Variants in CHRNA7 observed in about 807,000 individuals in gnomAD.
The protein encoded by CHRNA7 is cholinergic receptor nicotinic alpha 7 subunit.
Under a neutral mutation model 48.0 loss-of-function variants are expected in CHRNA7, and 17 were observed. That is an observed-to-expected ratio of 0.35 (90% CI 0.24 to 0.53). CHRNA7 has a LOEUF of 0.53. Among genes scored for constraint, CHRNA7 ranks in the 20% least tolerant of loss-of-function variants. The pLI, the probability that CHRNA7 is intolerant of heterozygous loss-of-function variation, is 0.92. For missense variants in CHRNA7, 155 were observed against 577.7 expected (o/e 0.27, Z 7.50); for synonymous variants, 75 against 242.3 (o/e 0.31, Z 6.41).
At chr15:32,140,959 C>T (rs905842959) in intron 4 of CHRNA7, among the ~76,000 whole-genome samples, 1 of 152,100 alleles carries the variant, frequency 6.6e-6, no homozygotes, top group African/African-American at 2.4e-5. Flanking sequence ...GCTTTTGTTG[C>T]CATTGCTTTT....
At chr15:32,054,756 T>C (rs1253018773) in intron 2 of CHRNA7, among the ~76,000 whole-genome samples, 2 of 152,236 alleles carry the variant, frequency 1.3e-5, no homozygotes, top group Non-Finnish European at 2.9e-5. Flanking sequence ...TCTTTCTTCA[T>C]TTCTATTGTA....
intron 3 of CHRNA7, among the ~76,000 whole-genome samples, chr15:32,107,098 G>C (rs1401849163): frequency 6.6e-6 from 1 of 152,108 alleles, no homozygotes; most frequent in Admixed American, 6.5e-5. Flanking sequence ...TAATGGACGG[G>C]AATAATTTTG....
chr15:32,077,477 G>T (rs1265650575), intron 2 of CHRNA7, among the ~76,000 whole-genome samples: 1 of 152,094 alleles, frequency 6.6e-6, no homozygotes, highest in Non-Finnish European at 1.5e-5. Flanking sequence ...CAGTGTTCTG[G>T]ATTGTGGCCA....
At chr15:32,108,819 C>T (rs967785516) in intron 3 of CHRNA7, among the ~76,000 whole-genome samples, 1 of 152,218 alleles carries the variant, frequency 6.6e-6, no homozygotes, top group Admixed American at 6.5e-5. Context: ...TCTGCTGCTG[C>T]ACACATTATC....
At chr15:32,063,867 G>A (rs906676476) in intron 2 of CHRNA7, among the ~76,000 whole-genome samples, 1 of 152,180 alleles carries the variant, frequency 6.6e-6, no homozygotes, top group Non-Finnish European at 1.5e-5. Context: ...TATTTCAATA[G>A]CTATCAACTA....
intron 2 of CHRNA7, among the ~76,000 whole-genome samples, chr15:32,054,085 T>C (rs967040038): frequency 4.6e-5 from 7 of 152,178 alleles, no homozygotes; most frequent in Non-Finnish European, 7.3e-5. Context: ...GGAGAACTTA[T>C]TTACTTTATT....
intron 2 of CHRNA7, among the ~76,000 whole-genome samples, chr15:32,066,803 A>G (rs1365051561): frequency 1.3e-5 from 2 of 152,240 alleles, no homozygotes; most frequent in Non-Finnish European, 2.9e-5. Flanking sequence ...AAAGGAAAGT[A>G]TAAGAATATC....
At chr15:32,080,811 A>G (rs2050203891) in intron 2 of CHRNA7, among the ~76,000 whole-genome samples, 1 of 152,248 alleles carries the variant, frequency 6.6e-6, no homozygotes, top group African/African-American at 2.4e-5. Flanking sequence ...CCAAAGGAAT[A>G]TAAATCATTC....
intron 2 of CHRNA7, among the ~76,000 whole-genome samples, chr15:32,058,936 G>C (rs146082677): frequency 8.5e-5 from 13 of 152,180 alleles, no homozygotes; most frequent in African/African-American, 2.9e-4. Flanking sequence ...CATGTGAAAT[G>C]GTGTTCTTAA....
intron 2 of CHRNA7, among the ~76,000 whole-genome samples, chr15:32,052,075 C>T (rs536079517): frequency 6.6e-6 from 1 of 152,290 alleles, no homozygotes; most frequent in Admixed American, 6.5e-5. Context: ...ATTAAATAAT[C>T]ACCACAGGCT....
chr15:32,070,318 T>C (rs750103085), intron 2 of CHRNA7, among the ~76,000 whole-genome samples: 6 of 152,172 alleles, frequency 3.9e-5, no homozygotes, highest in Non-Finnish European at 7.3e-5. Context: ...ATTATTTTGC[T>C]CACTATTTAA....
chr15:32,033,153 T>C (rs749818106), intron 2 of CHRNA7, among the ~76,000 whole-genome samples: 2 of 152,162 alleles, frequency 1.3e-5, no homozygotes, highest in Non-Finnish European at 2.9e-5. Context: ...TGTGAACACA[T>C]TGAACTTCCC....
chr15:32,092,022 C>G (rs938163988), intron 2 of CHRNA7, among the ~76,000 whole-genome samples: 2 of 152,166 alleles, frequency 1.3e-5, no homozygotes, highest in African/African-American at 4.8e-5. Context: ...ACTAGTTTCT[C>G]TGTGTTGTAG....
intron 2 of CHRNA7, among the ~76,000 whole-genome samples, chr15:32,062,395 C>G (rs1354926282): frequency 6.6e-6 from 1 of 152,140 alleles, no homozygotes; most frequent in African/African-American, 2.4e-5. Flanking sequence ...AGGCTATATT[C>G]CTTTTCCTTA....
rs371614414 is a variant in CHRNA7 at position 32,068,865 on chromosome 15, G to C, written c.196-32438G>C. Among the ~76,000 whole-genome samples the C allele has an allele frequency of 7.2e-5, 11 of 152,166 alleles. 2 individuals carry two copies. Among genetic ancestry groups the C allele is most frequent in the Admixed American group, 5.2e-4 (8 of 15,280 alleles). On this transcript the variant is annotated intron_variant, in intron 2 of 9. Coordinates refer to ENST00000306901, the MANE Select transcript of CHRNA7 (RefSeq NM_000746.6). Reference sequence around the variant, plus strand: ...GGCCCTCAAATACATGAAGCAAAAAGAGACAGAATTAAAGGGGAGTAATAG... The same window carrying C: ...GGCCCTCAAATACATGAAGCAAAAACAGACAGAATTAAAGGGGAGTAATAG...
intron 2 of CHRNA7, among the ~76,000 whole-genome samples, chr15:32,075,001 T>G (rs2050115666): frequency 6.6e-6 from 1 of 152,152 alleles, no homozygotes; most frequent in Admixed American, 6.5e-5. Flanking sequence ...TTCTTTTGCC[T>G]TTTCTATTTA....
chr15:32,126,699 T>C (rs141123131), intron 4 of CHRNA7, among the ~76,000 whole-genome samples: 159 of 152,334 alleles, frequency 1.0e-3, no homozygotes, highest in Non-Finnish European at 1.9e-3. Flanking sequence ...ATAGAGATGA[T>C]ACTTTCTAGT....
chr15:32,050,418 A>T (rs375352195), intron 2 of CHRNA7, among the ~76,000 whole-genome samples: 3 of 152,036 alleles, frequency 2.0e-5, no homozygotes, highest in African/African-American at 7.2e-5. Context: ...GCTGATACCC[A>T]TTCTTCCAGT....
chr15:32,064,894 C>T (rs1173919713), intron 2 of CHRNA7, among the ~76,000 whole-genome samples: 1 of 152,130 alleles, frequency 6.6e-6, no homozygotes, highest in Non-Finnish European at 1.5e-5. Context: ...AGGCAGTTGC[C>T]ACTTGTGCAT....
Sources: allele counts gnomAD v4.1 joint callset (sites outside exome capture counted in the v4.1 genomes callset), GRCh38; gene constraint gnomAD v4.1.1; transcripts MANE v1.5; gene names NCBI Gene and HGNC (gene_info 2026-07-23, HGNC 2026-07-21).